Variants in ATP8A1 observed in about 807,000 individuals in gnomAD.
ATP8A1 encodes phospholipid-transporting ATPase IA.
In ATP8A1, 90 loss-of-function variants were observed where a neutral mutation model predicts 177.7. That is an observed-to-expected ratio of 0.51 (90% CI 0.43 to 0.60). ATP8A1 has a LOEUF of 0.60. Ranked by LOEUF, ATP8A1 falls within the 20% of genes least tolerant of loss-of-function variation. The pLI is 0.00. For synonymous variants in ATP8A1, 493 were observed against 485.9 expected (o/e 1.01, Z -0.19); for missense variants, 1,072 against 1,392.8 (o/e 0.77, Z 3.67).
intron 25 of ATP8A1, among the ~76,000 whole-genome samples, chr4:42,479,436 A>C (rs1294504109): frequency 6.6e-6 from 1 of 152,228 alleles, no homozygotes; most frequent in Non-Finnish European, 1.5e-5. Context: ...AGAACCAGTT[A>C]CACAAAGCTA....
rs1165491697 is a variant in ATP8A1, at chr4:42,410,336, C to T, written c.*2580G>A. ...CTGAATTGTAAACATTGTAAAGCAA[C>T]TGTGTTAGCATTTGCCAGAGTCCCT... On this transcript the variant is annotated 3_prime_UTR_variant, in exon 37 of 37. Coordinates refer to ENST00000381668, the MANE Select transcript of ATP8A1 (RefSeq NM_006095.2). The T allele has an allele frequency of 6.6e-6, 1 of 152,116 alleles. No homozygotes were observed. The highest frequency in any genetic ancestry group is 1.9e-4 in the East Asian group (1 of 5,198). 9.4% of individuals were successfully genotyped at this position (152,116 alleles called of 1,614,324 possible). A position where few individuals can be genotyped will look rare whatever the true frequency, so the allele number is the denominator to read the frequency against.
At chr4:42,468,036 T>C (rs1425013770) in intron 25 of ATP8A1, among the ~76,000 whole-genome samples, 3 of 152,088 alleles carry the variant, frequency 2.0e-5, no homozygotes, top group Non-Finnish European at 4.4e-5. Context: ...GATACCACCT[T>C]ACTCCTGCAA....
chr4:42,518,990 C>T (rs899729018), intron 22 of ATP8A1, among the ~76,000 whole-genome samples: 5 of 152,168 alleles, frequency 3.3e-5, no homozygotes, highest in African/African-American at 1.2e-4. Context: ...AACCCTGGCT[C>T]TCTATATTAA....
intron 31 of ATP8A1, 151 bp downstream of exon 31, chr4:42,446,432 T>G: frequency 1.7e-6 from 1 of 578,562 alleles, no homozygotes; most frequent in Non-Finnish European, 2.9e-6. Flanking sequence ...GACCCCATTA[T>G]AAGCCCTGGG....
rs746699239 is a variant in ATP8A1, at chr4:42,455,321, C to G, written c.2793G>C (p.Gln931His). 2 of 1,613,836 alleles carry G rather than the reference C, an allele frequency of 1.2e-6. No individual in the cohort carries two copies. The highest frequency in any genetic ancestry group is 1.7e-6 in the Non-Finnish European group (2 of 1,179,778). Residue 931 changes from glutamine to histidine, a missense_variant, in exon 29 of 37, where the codon CAG (glutamine) becomes CAC (histidine). Around this residue, in one of 5 missense-constraint regions of ATP8A1, gnomAD observed 316 missense variants for 459.1 expected, o/e 0.69. Coordinates refer to ENST00000381668, the MANE Select transcript of ATP8A1 (RefSeq NM_006095.2). ...LKYPELYKTS[Q>H]NALDFNTKVF... ...CCTTGGTGTTGAAGTCCAGGGCATT[C>G]TGAGATGTTTTGTATAATTCAGGGT...
chr4:42,440,087 A>G (rs988568070), intron 33 of ATP8A1, among the ~76,000 whole-genome samples: 4 of 152,174 alleles, frequency 2.6e-5, no homozygotes, highest in Non-Finnish European at 5.9e-5. Context: ...GGCAAACACA[A>G]CGGAGTCTGC....
intron 33 of ATP8A1, among the ~76,000 whole-genome samples, chr4:42,429,819 C>T (rs903625523): frequency 1.3e-5 from 2 of 152,212 alleles, no homozygotes; most frequent in African/African-American, 2.4e-5. Context: ...TTCTGGCCCA[C>T]GTTACAACAT....
Position 42,657,048 on chromosome 4 carries a change from G to T in ATP8A1, c.-175C>A, listed in dbSNP as rs1741717533. The T allele has an allele frequency of 3.6e-6, 2 of 554,212 alleles. No homozygotes were observed. Among genetic ancestry groups the T allele is most frequent in the East Asian group, 7.1e-5 (2 of 28,138 alleles). The allele number at this position is 554,212 out of a possible 1,614,324, so 34.3% of individuals were successfully genotyped here. A position where few individuals can be genotyped will look rare whatever the true frequency, so the allele number is the denominator to read the frequency against. The stretch of plus-strand genomic sequence containing the variant: ...CGGCCCCCGCACGCCGACAGGAGGA[G>T]GAGAAAGGCAGCGGTGGCGGCGAAG... On this transcript the variant is annotated 5_prime_UTR_variant, in exon 1 of 37. Coordinates refer to ENST00000381668, the MANE Select transcript of ATP8A1 (RefSeq NM_006095.2).
At chr4:42,614,834 T>A (rs1736740052) in intron 5 of ATP8A1, among the ~76,000 whole-genome samples, 1 of 152,176 alleles carries the variant, frequency 6.6e-6, no homozygotes. Context: ...CCTTTCCCAC[T>A]CAACCCACAC....
At chr4:42,496,804 C>T (rs989992626) in intron 24 of ATP8A1, among the ~76,000 whole-genome samples, 1 of 18,600 alleles carries the variant, frequency 5.4e-5, no homozygotes, top group Admixed American at 5.6e-4. Flanking sequence ...GCACATATAC[C>T]CCCCCCCACA....
chr4:42,582,689 T>C (rs1025618028), intron 9 of ATP8A1, among the ~76,000 whole-genome samples: 1 of 152,186 alleles, frequency 6.6e-6, no homozygotes, highest in African/African-American at 2.4e-5. Context: ...AAGATTGGTT[T>C]CCCAAGAATT....
At chr4:42,444,436 C>G in intron 32 of ATP8A1, 142 bp downstream of exon 32, 2 of 751,290 alleles carry the variant, frequency 2.7e-6, no homozygotes, top group Non-Finnish European at 4.3e-6. Flanking sequence ...TCCCCTACCC[C>G]TGACACCCCA....
rs532305917 is a variant in ATP8A1 at position 42,523,896 on chromosome 4, C to G, written c.1807+867G>C. Among the ~76,000 whole-genome samples, 145 of 151,822 alleles carry G rather than the reference C, an allele frequency of 9.6e-4. 1 individual carries two copies. The highest frequency in any genetic ancestry group is 3.3e-3 in the African/African-American group (136 of 41,414). On this transcript the variant is annotated intron_variant, in intron 21 of 36. Transcript: ENST00000381668. ...TTTTTTGTTTTGGCTTTTGTTTTTG[C>G]CTAGTGTTTTAAAAAACATTCCTAT...
At chr4:42,655,308 T>C (rs899442739) in intron 1 of ATP8A1, among the ~76,000 whole-genome samples, 4 of 152,214 alleles carry the variant, frequency 2.6e-5, no homozygotes, top group South Asian at 2.1e-4. Context: ...TAAAAGTACT[T>C]TGGAAAATAC....
intron 27 of ATP8A1, among the ~76,000 whole-genome samples, chr4:42,459,818 C>G (rs983125070): frequency 1.8e-4 from 27 of 152,018 alleles, no homozygotes; most frequent in Admixed American, 5.2e-4. Context: ...GAGACAGAGT[C>G]TCGCTCTGTC....
chr4:42,548,574 T>C (rs538375395), intron 19 of ATP8A1, among the ~76,000 whole-genome samples: 1 of 152,330 alleles, frequency 6.6e-6, no homozygotes, highest in South Asian at 2.1e-4. Flanking sequence ...TCTCTTCTAG[T>C]ATTTTGAAAT....
At chr4:42,529,897 G>A (rs1727086507) in intron 20 of ATP8A1, among the ~76,000 whole-genome samples, 2 of 152,098 alleles carry the variant, frequency 1.3e-5, no homozygotes, top group Admixed American at 1.3e-4. Context: ...TGTAGCCAAT[G>A]GTTTGGCTGG....
In ATP8A1 at chr4:42,566,895, T is replaced by G. The variant is rs566897207; in HGVS notation, c.1340+2266A>C. 2.0e-5 allele frequency among the ~76,000 whole-genome samples: 3 copies of G among 152,340 alleles called. No individual in the cohort carries two copies. The East Asian group carries it at 5.8e-4, about 29-fold the overall frequency. On this transcript the variant is annotated intron_variant, in intron 15 of 36. Transcript: ENST00000381668. Reference sequence around the variant, plus strand: ...TGTCAAATATGTCATGAGGATTAAGTGAGAGCACCAGAACTAACACTCAGT... The same window carrying G: ...TGTCAAATATGTCATGAGGATTAAGGGAGAGCACCAGAACTAACACTCAGT...
chr4:42,429,644 C>T (rs1715038068), intron 33 of ATP8A1, among the ~76,000 whole-genome samples: 1 of 152,162 alleles, frequency 6.6e-6, no homozygotes, highest in South Asian at 2.1e-4. Flanking sequence ...ATTCAATTTA[C>T]TGGCAAATCT....
Sources: allele counts gnomAD v4.1 joint callset (sites outside exome capture counted in the v4.1 genomes callset), GRCh38; gene constraint gnomAD v4.1.1; regional missense constraint gnomAD v4.1.1; transcripts MANE v1.5; gene names NCBI Gene and HGNC (gene_info 2026-07-23, HGNC 2026-07-21).